VPS13B: variants seen among roughly 807,000 people sequenced by gnomAD.
VPS13B encodes vacuolar protein sorting 13 homolog B.
VPS13B carries 285 observed loss-of-function variants against 426.4 expected under a neutral mutation model. The observed-to-expected ratio is 0.67, with a 90% CI of 0.61 to 0.74. The LOEUF is 0.74. Among genes scored for constraint, VPS13B ranks in the 30% least tolerant of loss-of-function variants. VPS13B has a pLI of 0.00. For missense variants in VPS13B, 4,537 were observed against 4,782.6 expected, an observed-to-expected ratio of 0.95 and a Z score of 1.51; for synonymous variants, 1,676 against 1,676.4, an observed-to-expected ratio of 1.00 and a Z score of 0.01.
At chr8:99,774,166 A>C (rs1479062733) in intron 40 of VPS13B, among the ~76,000 whole-genome samples, 2 of 152,206 alleles carry the variant, frequency 1.3e-5, no homozygotes, top group Non-Finnish European at 2.9e-5. Context: ...AATTACATAT[A>C]CTATATTTTG....
intron 31 of VPS13B, among the ~76,000 whole-genome samples, chr8:99,568,567 A>G (rs2133792620): frequency 6.6e-6 from 1 of 152,222 alleles, no homozygotes; most frequent in South Asian, 2.1e-4. Context: ...CTAGTATTAC[A>G]GGTATGAGTC....
intron 29 of VPS13B, among the ~76,000 whole-genome samples, chr8:99,519,981 T>G (rs1034516589): frequency 9.2e-5 from 14 of 152,122 alleles, no homozygotes. Flanking sequence ...AATGGGGCCA[T>G]TAATTTCCCC....
intron 19 of VPS13B, chr8:99,347,123 T>A (rs1811583802): frequency 9.1e-6 from 1 of 110,492 alleles, no homozygotes; most frequent in African/African-American, 3.5e-5. Context: ...TCTGCTTAGA[T>A]CCCAGTGCTG....
intron 17 of VPS13B, among the ~76,000 whole-genome samples, chr8:99,217,500 G>A (rs1815451288): frequency 6.6e-6 from 1 of 152,194 alleles, no homozygotes; most frequent in South Asian, 2.1e-4. Flanking sequence ...TTTTCACATA[G>A]TAGGCATTCA....
At chr8:99,083,837 T>G (rs529479696) in intron 3 of VPS13B, among the ~76,000 whole-genome samples, 1 of 136,530 alleles carries the variant, frequency 7.3e-6, no homozygotes, top group East Asian at 2.1e-4. Context: ...AGCTTTTTGA[T>G]GTGCTGCTGG....
intron 8 of VPS13B, among the ~76,000 whole-genome samples, chr8:99,125,116 C>T (rs900204091): frequency 3.3e-5 from 5 of 152,172 alleles, no homozygotes; most frequent in East Asian, 1.9e-4. Context: ...CATGATAGGC[C>T]GTCTGCAAGT....
At position 99,047,380 on chromosome 8, in the gene VPS13B, C is replaced by T. The variant is rs143363261; in HGVS notation, c.291+8814C>T. On this transcript the variant is annotated intron_variant, in intron 3 of 61. Coordinates refer to ENST00000357162, the MANE Select transcript of VPS13B (RefSeq NM_152564.5). The stretch of plus-strand genomic sequence containing the variant: ...CTGTCTTGTCCGTTGTAATATTTCC[C>T]GTTTCGTTTCTAATTGAGCTTATTT... 3.0e-4 allele frequency among the ~76,000 whole-genome samples: 46 copies of T among 152,122 alleles called. No homozygotes were observed. In the East Asian group the frequency reaches 4.6e-3, roughly 15 times the overall value.
rs772640414 is a variant in VPS13B, at chr8:99,861,874, C to T, written c.11143C>T (p.Arg3715Trp). The change falls in exon 58 of 62, where the codon CGG (arginine) becomes TGG (tryptophan). Residue 3715 changes from arginine (R) to tryptophan (W), a missense_variant. Arg to Trp is a moderately radical substitution (Grantham distance 101). Around this residue, in one of 2 missense-constraint regions of VPS13B, gnomAD observed 4,311 missense variants for 4,474.3 expected, o/e 0.96. Coordinates refer to ENST00000357162, the MANE Select transcript of VPS13B (RefSeq NM_152564.5). ...GCACTACAACCGGCAGGAGGAGTGG[C>T]GGCGGCAGCTCCCCGAGAGCCTGGG... is the stretch of plus-strand genomic sequence containing the variant. The part of the protein sequence containing the change: ...EEHYNRQEEW[R>W]RQLPESLGEG... 21 of 1,595,914 alleles carry T rather than the reference C, an allele frequency of 1.3e-5. No individual in the cohort carries two copies. Among genetic ancestry groups the T allele is most frequent in the Admixed American group, 3.5e-5 (2 of 57,062 alleles).
chr8:99,226,735 C>T (rs1816041347), intron 17 of VPS13B, among the ~76,000 whole-genome samples: 1 of 152,074 alleles, frequency 6.6e-6, no homozygotes, highest in Admixed American at 6.5e-5. Flanking sequence ...AACATTTTCT[C>T]TGTGTAAAGA....
chr8:99,502,775 A>T, intron 26 of VPS13B, 61 bp from the exon 27 acceptor site: 1 of 1,251,400 alleles, frequency 8.0e-7, no homozygotes. Flanking sequence ...AATGTAAAAT[A>T]GAAAGTTTTA....
chr8:99,583,111 T>TC (rs1030269712), intron 33 of VPS13B, among the ~76,000 whole-genome samples: 40 of 152,168 alleles, frequency 2.6e-4, no homozygotes, highest in African/African-American at 9.4e-4. Flanking sequence ...CCTCTGCTTT[T>TC]CCCCCCAGAG....
chr8:99,097,195 G>A (rs1405481823), intron 4 of VPS13B, among the ~76,000 whole-genome samples: 1 of 152,148 alleles, frequency 6.6e-6, no homozygotes, highest in African/African-American at 2.4e-5. Flanking sequence ...CCATACAGGT[G>A]TTCTTTCTTA....
intron 50 of VPS13B, among the ~76,000 whole-genome samples, chr8:99,821,732 T>C (rs1378309931): frequency 6.6e-6 from 1 of 152,180 alleles, no homozygotes; most frequent in East Asian, 1.9e-4. Context: ...CAGCAGTAAC[T>C]TGATTTATAG....
At chr8:99,795,524 A>G (rs1311717866) in intron 43 of VPS13B, among the ~76,000 whole-genome samples, 9 of 152,304 alleles carry the variant, frequency 5.9e-5, no homozygotes, top group African/African-American at 2.2e-4. Context: ...TTAGTCACCT[A>G]TTGCTGTATA....
chr8:99,815,819 C>G (rs1214675272), intron 44 of VPS13B, among the ~76,000 whole-genome samples: 1 of 152,052 alleles, frequency 6.6e-6, no homozygotes, highest in Non-Finnish European at 1.5e-5. Context: ...CAATTTCAAC[C>G]AATTTAAGAA....
In VPS13B at chr8:99,575,859, A is replaced by G. The variant is rs189107122; in HGVS notation, c.5076+75A>G. ...CTCTTTGTATGTTAGGGATTGCCAC[A>G]GTTTCAGCCCATAGGACTTCAAATT... On this transcript the variant is annotated intron_variant, in intron 32 of 61. Coordinates refer to ENST00000357162, the MANE Select transcript of VPS13B (RefSeq NM_152564.5). The G allele has an allele frequency of 7.4e-5, 110 of 1,486,828 alleles. No homozygotes were observed. The East Asian group carries it at 1.7e-3, about 23-fold the overall frequency. 92.1% of individuals were successfully genotyped at this position (1,486,828 alleles called of 1,614,324 possible).
At chr8:99,367,511 C>T (rs1335360807) in intron 19 of VPS13B, among the ~76,000 whole-genome samples, 2 of 152,176 alleles carry the variant, frequency 1.3e-5, no homozygotes, top group African/African-American at 2.4e-5. Context: ...CTGTAAACCT[C>T]TTATACCTGA....
At chr8:99,593,874 A>T (rs1826829215) in intron 33 of VPS13B, among the ~76,000 whole-genome samples, 1 of 152,078 alleles carries the variant, frequency 6.6e-6, no homozygotes, top group Non-Finnish European at 1.5e-5. Context: ...ACATGGACAC[A>T]GGTTGGGGAA....
At chr8:99,283,182 T>C (rs576775121) in intron 19 of VPS13B, among the ~76,000 whole-genome samples, 7 of 152,324 alleles carry the variant, frequency 4.6e-5, no homozygotes, top group African/African-American at 1.4e-4. Flanking sequence ...AATAAGTGAA[T>C]TGCCTTGAAG....
Sources: gnomAD v4.1 joint callset for allele counts (sites outside exome capture counted in the v4.1 genomes callset) on GRCh38, gnomAD v4.1.1 for gene constraint, gnomAD v4.1.1 regional missense constraint, MANE v1.5 for transcripts, NCBI Gene and HGNC (gene_info 2026-07-23, HGNC 2026-07-21) for gene names.